PWWP2A: variants seen among roughly 807,000 people sequenced by gnomAD.
PWWP2A encodes the protein PWWP domain containing 2A.
A neutral mutation model predicts 48.5 loss-of-function variants in PWWP2A; 18 were observed. That is an observed-to-expected ratio of 0.37 (90% CI 0.26 to 0.55). PWWP2A has a LOEUF of 0.55. PWWP2A is among the 20% of genes least tolerant of loss of function. PWWP2A has a pLI of 0.81. For missense variants in PWWP2A, 867 were observed against 976.4 expected (o/e 0.89, Z 1.49); for synonymous variants, 396 against 387.7 (o/e 1.02, Z -0.25).
At chr5:160,083,598 C>A (rs1218394029) in intron 2 of PWWP2A, among the ~76,000 whole-genome samples, 2 of 152,196 alleles carry the variant, frequency 1.3e-5, no homozygotes, top group Non-Finnish European at 2.9e-5. Flanking sequence ...GTTCTAACAT[C>A]TTTGTGAAGT....
In PWWP2A at chr5:160,119,419, C is replaced by A. The variant is rs1033859752; in HGVS notation, c.-31G>T. On this transcript the variant is annotated 5_prime_UTR_variant, in exon 1 of 2. Transcript: ENST00000307063. ...TCCTAGCTTCTCCCTCCTCCAACTC[C>A]GGCTGCAGCGGCGGCGGCGACAGCG... is the stretch of plus-strand genomic sequence containing the variant. 8 of 1,353,450 alleles carry A rather than the reference C, an allele frequency of 5.9e-6. No individual in the cohort carries two copies. Among genetic ancestry groups the A allele is most frequent in the Non-Finnish European group, 7.6e-6 (8 of 1,058,626 alleles). 83.8% of individuals were successfully genotyped at this position (1,353,450 alleles called of 1,614,324 possible).
the PWWP2A span, among the ~76,000 whole-genome samples, chr5:160,054,990 G>A: frequency 6.6e-6 from 1 of 152,204 alleles, no homozygotes; most frequent in Admixed American, 6.5e-5. Context: ...AGTCCCTTGA[G>A]AAGTGTGGCT....
intron 1 of PWWP2A, among the ~76,000 whole-genome samples, chr5:160,114,430 C>T (rs1757893435): frequency 6.7e-6 from 1 of 149,806 alleles, no homozygotes; most frequent in Non-Finnish European, 1.5e-5. Flanking sequence ...TACTGCACTC[C>T]AGCCTGGGTG....
the PWWP2A span, chr5:160,049,461 G>T: frequency 1.4e-6 from 2 of 1,474,914 alleles, no homozygotes; most frequent in East Asian, 4.8e-5. Flanking sequence ...TATAGCCAAA[G>T]ATATGTAGGC....
chr5:160,084,373 G>C (rs1376804536), intron 2 of PWWP2A, among the ~76,000 whole-genome samples: 1 of 152,162 alleles, frequency 6.6e-6, no homozygotes, highest in Non-Finnish European at 1.5e-5. Flanking sequence ...CCTGAAAAGT[G>C]AAAGGGAATG....
chr5:160,091,104 G>C (rs1755020484), downstream of PWWP2A: 1 of 983,944 alleles, frequency 1.0e-6, no homozygotes, highest in Non-Finnish European at 1.2e-6. Context: ...TGGCAGGAAG[G>C]GGATATCAAA....
Position 160,095,321 on chromosome 5 carries a change from A to G in PWWP2A, c.585-1256T>C, listed in dbSNP as rs115801579. Among the ~76,000 whole-genome samples, 407 of 152,242 alleles carry G rather than the reference A, an allele frequency of 2.7e-3. 3 individuals are homozygous for G. The highest frequency in any genetic ancestry group is 0.01 in the Middle Eastern group (3 of 294). On this transcript the variant is annotated intron_variant, in intron 1 of 1. Coordinates refer to ENST00000307063, the MANE Select transcript of PWWP2A (RefSeq NM_001130864.2). ...TCTTTAAAATTCTCAGTTTCTAATA[A>G]CCTTATTTCATAAATAGAGTTAGAA... is the stretch of plus-strand genomic sequence containing the variant.
rs1342470083 is a variant in PWWP2A at position 160,093,422 on chromosome 5, C to T, written c.1228G>A (p.Ala410Thr). The change falls in exon 2 of 2, where the codon GCT (alanine) becomes ACT (threonine). Residue 410 changes from alanine (A) to threonine (T), a missense_variant. This residue lies in a region of PWWP2A where 382 missense variants were observed against 407.2 expected (regional missense o/e 0.94). Coordinates refer to ENST00000307063, the MANE Select transcript of PWWP2A (RefSeq NM_001130864.2). This position sits in a 1 kb window ranked among gnomAD's most constrained non-coding sequence, Gnocchi z 5.8. ...AGAACTTTTTTAGTACTTAACTGAG[C>T]TTTTGATGTATTTGCCTGAGCAGAA... ...KVSAQANTSKAQLSTKKVLQS... is the reference protein window; with the variant it reads ...KVSAQANTSKTQLSTKKVLQS... The T allele has an allele frequency of 1.9e-6, 3 of 1,613,596 alleles. No homozygotes were observed. Among genetic ancestry groups the T allele is most frequent in the Non-Finnish European group, 2.5e-6 (3 of 1,179,800 alleles).
chr5:160,049,646 C>T, the PWWP2A span: 1 of 1,583,448 alleles, frequency 6.3e-7, no homozygotes. Flanking sequence ...ATACATCAAG[C>T]AAGAGAAGCT....
downstream of PWWP2A, among the ~76,000 whole-genome samples, chr5:160,072,178 C>G (rs1179872391): frequency 6.6e-6 from 1 of 152,194 alleles, no homozygotes; most frequent in Non-Finnish European, 1.5e-5. Flanking sequence ...CTATAATTTG[C>G]AATCACTTCC....
At chr5:160,056,846 G>T (rs1757560302), downstream of PWWP2A, among the ~76,000 whole-genome samples, 1 of 152,204 alleles carries the variant, frequency 6.6e-6, no homozygotes, top group South Asian at 2.1e-4. Flanking sequence ...TGGACATTGT[G>T]TGCTTTTCTG....
chr5:160,115,461 G>A (rs1706276508), intron 1 of PWWP2A, among the ~76,000 whole-genome samples: 1 of 152,020 alleles, frequency 6.6e-6, no homozygotes. Flanking sequence ...AGACGCCGAG[G>A]TAGGCAGATT....
chr5:160,090,722 A>G (rs779200059), downstream of PWWP2A: 196 of 953,368 alleles, frequency 2.1e-4, no homozygotes, highest in Non-Finnish European at 2.4e-4. Flanking sequence ...ACTACTTCAA[A>G]TTGGATTTAG....
At position 160,064,958 on chromosome 5, in the gene PWWP2A, G is replaced by A. The variant is rs1364925001; in HGVS notation, c.*237-1285C>T. The A allele has an allele frequency of 7.4e-6, 12 of 1,613,512 alleles. No individual in the cohort carries two copies. The South Asian group carries it at 1.3e-4, about 18-fold the overall frequency. On this transcript the variant is annotated intron_variant and NMD_transcript_variant, in intron 4 of 5. Coordinates refer to the PWWP2A transcript ENST00000524050. ...TAAATTAAAAGATCTTGGGAACTTGGTTCTCCGACCTTTTGGGCTCTCCAC... is the reference window on the plus strand; with the variant it reads ...TAAATTAAAAGATCTTGGGAACTTGATTCTCCGACCTTTTGGGCTCTCCAC...
At chr5:160,112,162 G>GA (rs1286090482) in intron 1 of PWWP2A, among the ~76,000 whole-genome samples, 27 of 132,526 alleles carry the variant, frequency 2.0e-4, no homozygotes, top group African/African-American at 5.0e-4. Flanking sequence ...AAAGAAAAAA[G>GA]AAAAAAAAAG....
At chr5:160,112,295 A>T (rs1421615816) in intron 1 of PWWP2A, among the ~76,000 whole-genome samples, 1 of 152,092 alleles carries the variant, frequency 6.6e-6, no homozygotes, top group Non-Finnish European at 1.5e-5. Flanking sequence ...ATCTCGGCTC[A>T]CTGCAGCCTC....
At chr5:160,059,217 C>CT (rs1191543001), downstream of PWWP2A, among the ~76,000 whole-genome samples, 3 of 152,186 alleles carry the variant, frequency 2.0e-5, no homozygotes, top group Non-Finnish European at 2.9e-5. Context: ...TAAAAACATG[C>CT]TTAGTGTAGC....
rs73311114 is a variant in PWWP2A at position 160,078,734 on chromosome 5, G to C, written c.1670-566C>G. ...GGGTGCCTCCCCAGAAGTAGACACA[G>C]CACATCGGAAGGCATGAAGAGCACC... On this transcript the variant is annotated intron_variant, in intron 3 of 3. Transcript: ENST00000456329. This position sits in a 1 kb window ranked among gnomAD's most constrained non-coding sequence, Gnocchi z 4.2. Among the ~76,000 whole-genome samples, 1,037 of 152,258 alleles carry C rather than the reference G, an allele frequency of 6.8e-3. 12 individuals carry two copies. The highest frequency in any genetic ancestry group is 0.024 in the African/African-American group (998 of 41,528).
intron 3 of PWWP2A, among the ~76,000 whole-genome samples, chr5:160,079,790 G>A (rs1004343578): frequency 2.0e-5 from 3 of 152,116 alleles, no homozygotes; most frequent in South Asian, 2.1e-4. Context: ...CAAGAGATAC[G>A]CATCTTAAGG....
Sources: allele counts gnomAD v4.1 joint callset (sites outside exome capture counted in the v4.1 genomes callset), GRCh38; gene constraint gnomAD v4.1.1; regional missense constraint gnomAD v4.1.1; non-coding constraint Gnocchi (gnomAD v3.1); transcripts MANE v1.5; gene names NCBI Gene and HGNC (gene_info 2026-07-23, HGNC 2026-07-21).